The following MAML2 variants were observed in gnomAD, a reference collection of about 807,000 sequenced individuals.
MAML2 encodes mastermind like transcriptional coactivator 2.
MAML2 carries 22 observed loss-of-function variants against 96.1 expected under a neutral mutation model. That is an observed-to-expected ratio of 0.23 (90% CI 0.16 to 0.33). The LOEUF (loss-of-function observed/expected upper bound fraction) is 0.33. Ranked by LOEUF, MAML2 falls within the 10% of genes least tolerant of loss-of-function variation. The probability of loss-of-function intolerance (pLI) is 1.00; values close to 1 mark genes in which losing one functional copy is unlikely to be tolerated. For synonymous variants in MAML2, 561 were observed against 521.3 expected (o/e 1.08, Z -1.04); for missense variants, 1,367 against 1,392.4 (o/e 0.98, Z 0.29).
At chr11:96,113,995 A>G (rs559003815) in intron 1 of MAML2, among the ~76,000 whole-genome samples, 12 of 149,754 alleles carry the variant, frequency 8.0e-5, no homozygotes, top group African/African-American at 2.7e-4. Flanking sequence ...GGAAACTGAC[A>G]TACCATCTCC....
chr11:96,049,130 A>G (rs1472388959), intron 2 of MAML2, among the ~76,000 whole-genome samples: 2 of 152,204 alleles, frequency 1.3e-5, no homozygotes, highest in Non-Finnish European at 2.9e-5. Context: ...AAGGTAGATA[A>G]TGAGTTGTAA....
At position 96,093,464 on chromosome 11, in the gene MAML2, G is replaced by A. The variant is rs1286361355; in HGVS notation, c.567C>T (p.Ser189=). The change falls in exon 2 of 5, where the codon AGC becomes AGT. Residue 189 remains serine (S), a synonymous_variant. Coordinates refer to ENST00000524717, the MANE Select transcript of MAML2 (RefSeq NM_032427.4). The part of the protein sequence containing the change: ...KQVVNLSPAN[S]KRPNGFVDNS... ...TGTCCACAAAGCCATTGGGTCGCTTGCTGTTGGCAGGAGATAGGTTAACTA... is the reference window on the plus strand; with the variant it reads ...TGTCCACAAAGCCATTGGGTCGCTTACTGTTGGCAGGAGATAGGTTAACTA... 1 of 1,613,940 alleles carries A rather than the reference G, an allele frequency of 6.2e-7. No individual in the cohort carries two copies. Among genetic ancestry groups the A allele is most frequent in the East Asian group, 2.2e-5 (1 of 44,894 alleles).
intron 2 of MAML2, among the ~76,000 whole-genome samples, chr11:96,064,212 C>T (rs1422134880): frequency 6.6e-6 from 1 of 152,138 alleles, no homozygotes; most frequent in Non-Finnish European, 1.5e-5. Flanking sequence ...AATTCCCAAC[C>T]AGCAGGGTGA....
chr11:96,006,872 TACACACAC>T (rs57492080), intron 2 of MAML2, among the ~76,000 whole-genome samples: 2,246 of 123,982 alleles, frequency 0.018, 18 homozygotes, highest in African/African-American at 0.027. Flanking sequence ...GAATATCTTA[TACACACAC>T]ACACACACAC....
chr11:96,131,671 G>T (rs1397974028), intron 1 of MAML2, among the ~76,000 whole-genome samples: 1 of 152,134 alleles, frequency 6.6e-6, no homozygotes, highest in Non-Finnish European at 1.5e-5. Context: ...TTCTTTATAG[G>T]GTGATAGAAG....
At chr11:96,097,137 C>A in intron 1 of MAML2, among the ~76,000 whole-genome samples, 1 of 152,168 alleles carries the variant, frequency 6.6e-6, no homozygotes, top group East Asian at 1.9e-4. Context: ...GACTAAAATT[C>A]TTTCATTAGA....
intron 2 of MAML2, among the ~76,000 whole-genome samples, chr11:96,064,277 T>C (rs977159566): frequency 2.0e-5 from 3 of 152,162 alleles, no homozygotes; most frequent in Non-Finnish European, 2.9e-5. Flanking sequence ...CCTGGGCAGA[T>C]GGATGGAAGC....
intron 1 of MAML2, among the ~76,000 whole-genome samples, chr11:96,262,503 T>C (rs1862764312): frequency 6.6e-6 from 1 of 152,072 alleles, no homozygotes; most frequent in Admixed American, 6.6e-5. Context: ...AGTCTCGCTC[T>C]GTTGCCCGGG....
chr11:96,290,180 T>A (rs924289994), intron 1 of MAML2, among the ~76,000 whole-genome samples: 1 of 152,200 alleles, frequency 6.6e-6, no homozygotes, highest in South Asian at 2.1e-4. Context: ...GGGCACTTAA[T>A]GGTCTTCATT....
chr11:96,140,778 G>T (rs949864914), intron 1 of MAML2, among the ~76,000 whole-genome samples: 1 of 152,174 alleles, frequency 6.6e-6, no homozygotes, highest in Non-Finnish European at 1.5e-5. Context: ...GAGCCCACCA[G>T]TCTGGATTAG....
intron 1 of MAML2, among the ~76,000 whole-genome samples, chr11:96,260,995 A>T (rs1444280359): frequency 6.6e-6 from 1 of 152,142 alleles, no homozygotes; most frequent in African/African-American, 2.4e-5. Flanking sequence ...TTTATTTCAA[A>T]TTTTATGCCT....
intron 1 of MAML2, among the ~76,000 whole-genome samples, chr11:96,200,074 A>G (rs1332435832): frequency 6.6e-6 from 1 of 152,314 alleles, no homozygotes; most frequent in East Asian, 1.9e-4. Flanking sequence ...TTAAGAAATA[A>G]AAGTGTGACT....
chr11:96,229,707 T>C (rs990529757), intron 1 of MAML2, among the ~76,000 whole-genome samples: 6 of 151,998 alleles, frequency 3.9e-5, no homozygotes, highest in South Asian at 2.1e-4. Context: ...CATTGCATTA[T>C]ACCAGTATAA....
intron 2 of MAML2, among the ~76,000 whole-genome samples, chr11:96,051,834 C>T (rs1350151129): frequency 1.3e-5 from 2 of 152,168 alleles, no homozygotes; most frequent in African/African-American, 2.4e-5. Flanking sequence ...TTTATGCCTC[C>T]CTGTCTCCAG....
Position 96,092,391 on chromosome 11 carries a change from G to A in MAML2, c.1640C>T (p.Pro547Leu). ...LSRSFINNPHPAMEPRQGNTK... is the reference protein window; with the variant it reads ...LSRSFINNPHLAMEPRQGNTK... ...GTTGCCCTGACGGGGCTCCATGGCTGGGTGCGGGTTGTTAATAAAACTTCG... is the reference window on the plus strand; with the variant it reads ...GTTGCCCTGACGGGGCTCCATGGCTAGGTGCGGGTTGTTAATAAAACTTCG... Residue 547 changes from proline to leucine, a missense_variant, in exon 2 of 5, where the codon CCA (proline) becomes CTA (leucine). Transcript: ENST00000524717. The surrounding 1 kb of genome is among the most constrained non-coding windows in gnomAD (Gnocchi z 4.1). The A allele has an allele frequency of 6.2e-7, 1 of 1,613,994 alleles. No individual in the cohort carries two copies. Among genetic ancestry groups the A allele is most frequent in the South Asian group, 1.1e-5 (1 of 91,078 alleles).
At chr11:96,139,665 C>T (rs1860701361) in intron 1 of MAML2, among the ~76,000 whole-genome samples, 1 of 151,892 alleles carries the variant, frequency 6.6e-6, no homozygotes, top group African/African-American at 2.4e-5. Context: ...GGAAATCTGA[C>T]CTCTGGGGCT....
At chr11:96,275,819 C>T (rs890703988) in intron 1 of MAML2, among the ~76,000 whole-genome samples, 1 of 152,174 alleles carries the variant, frequency 6.6e-6, no homozygotes, top group Non-Finnish European at 1.5e-5. Flanking sequence ...TCTGTTTTAA[C>T]TTACCTACCT....
At chr11:96,132,342 C>A (rs112957260) in intron 1 of MAML2, among the ~76,000 whole-genome samples, 6 of 152,308 alleles carry the variant, frequency 3.9e-5, no homozygotes, top group African/African-American at 1.4e-4. Context: ...CAGCAGTGAA[C>A]AAGACAGACA....
chr11:96,334,275 T>G (rs1001664342), intron 1 of MAML2, among the ~76,000 whole-genome samples: 4 of 152,240 alleles, frequency 2.6e-5, no homozygotes. Flanking sequence ...ATGAATCTGA[T>G]TCAGGTATGT....
Sources: allele counts gnomAD v4.1 joint callset (sites outside exome capture counted in the v4.1 genomes callset), GRCh38; gene constraint gnomAD v4.1.1; non-coding constraint Gnocchi (gnomAD v3.1); transcripts MANE v1.5; gene names NCBI Gene and HGNC (gene_info 2026-07-23, HGNC 2026-07-21).